FER: variants seen among roughly 807,000 people sequenced by gnomAD.
FER encodes tyrosine-protein kinase Fer.
Under a neutral mutation model 111.0 loss-of-function variants are expected in FER, and 63 were observed. The ratio of observed to expected loss-of-function variants is 0.57; its 90% CI spans 0.46 to 0.70. FER has a LOEUF of 0.70. Ranked by LOEUF, FER falls within the 30% of genes least tolerant of loss-of-function variation. The probability of loss-of-function intolerance (pLI) is 0.00; values close to 1 mark genes in which losing one functional copy is unlikely to be tolerated. For missense variants in FER, 914 were observed against 954.0 expected, an observed-to-expected ratio of 0.96 and a Z score of 0.55; for synonymous variants, 327 against 313.9, an observed-to-expected ratio of 1.04 and a Z score of -0.44.
chr5:108,902,644 T>C (rs997270123), intron 10 of FER, among the ~76,000 whole-genome samples: 1 of 152,212 alleles, frequency 6.6e-6, no homozygotes, highest in African/African-American at 2.4e-5. Flanking sequence ...CTTTGGGAAA[T>C]GCTTAGTTAG....
chr5:108,960,274 G>A (rs1581402600), intron 13 of FER, among the ~76,000 whole-genome samples: 2 of 151,948 alleles, frequency 1.3e-5, no homozygotes, highest in East Asian at 3.9e-4. Flanking sequence ...TGTTAATCTG[G>A]GATATAATAT....
chr5:108,894,638 G>C, intron 9 of FER: 1 of 292,510 alleles, frequency 3.4e-6, no homozygotes, highest in South Asian at 3.7e-5. Flanking sequence ...GCGTGGTGCT[G>C]GTCCTGCGGG....
At chr5:109,175,435 G>T (rs533060865) in intron 17 of FER, among the ~76,000 whole-genome samples, 1 of 152,186 alleles carries the variant, frequency 6.6e-6, no homozygotes, top group Non-Finnish European at 1.5e-5. Context: ...AAAAGTTGAT[G>T]CTTTTACCAT....
Position 108,789,693 on chromosome 5 carries a change from C to T in FER, c.-59-8431C>T, listed in dbSNP as rs552041893. On this transcript the variant is annotated intron_variant, in intron 2 of 19. Coordinates refer to ENST00000281092, the MANE Select transcript of FER (RefSeq NM_005246.4). ...TCTTGGCTCACTGCAACCTCCGCTTCCCAGGTTCAAGTGATTCTTGTGTCT... is the reference window on the plus strand; with the variant it reads ...TCTTGGCTCACTGCAACCTCCGCTTTCCAGGTTCAAGTGATTCTTGTGTCT... 1.5e-3 allele frequency among the ~76,000 whole-genome samples: 233 copies of T among 152,068 alleles called. 1 individual carries two copies. Among genetic ancestry groups the T allele is most frequent in the African/African-American group, 5.4e-3 (225 of 41,452 alleles).
intron 9 of FER, among the ~76,000 whole-genome samples, chr5:108,889,519 T>C (rs1026447201): frequency 4.0e-5 from 6 of 151,820 alleles, no homozygotes; most frequent in Admixed American, 2.0e-4. Context: ...CTCCTGGAGA[T>C]AGAGAGTAGA....
intron 17 of FER, among the ~76,000 whole-genome samples, chr5:109,160,241 C>G (rs761486613): frequency 6.6e-6 from 1 of 152,040 alleles, no homozygotes; most frequent in Non-Finnish European, 1.5e-5. Context: ...TACTGACTGG[C>G]ACATCTGCAG....
chr5:108,773,270 T>C (rs1451540560), intron 2 of FER, among the ~76,000 whole-genome samples: 1 of 152,102 alleles, frequency 6.6e-6, no homozygotes, highest in African/African-American at 2.4e-5. Flanking sequence ...GGTGGTTCGC[T>C]GCACAGATCA....
chr5:109,004,477 A>C (rs1765240325), intron 13 of FER, among the ~76,000 whole-genome samples: 2 of 152,242 alleles, frequency 1.3e-5, no homozygotes, highest in Admixed American at 1.3e-4. Context: ...CCAAATGTCC[A>C]CAACAAGGAG....
chr5:108,946,954 A>G (rs1000592251), intron 11 of FER, among the ~76,000 whole-genome samples: 1 of 151,906 alleles, frequency 6.6e-6, no homozygotes, highest in African/African-American at 2.4e-5. Flanking sequence ...ACAATATGTG[A>G]CCTTTTGCAT....
intron 13 of FER, among the ~76,000 whole-genome samples, chr5:109,036,225 C>T (rs891033005): frequency 2.0e-5 from 3 of 151,994 alleles, no homozygotes; most frequent in Admixed American, 1.3e-4. Flanking sequence ...TTCACTTACC[C>T]ACTTGATCAT....
intron 13 of FER, among the ~76,000 whole-genome samples, chr5:108,995,125 T>G (rs1763820900): frequency 6.6e-6 from 1 of 152,152 alleles, no homozygotes. Context: ...CTGATTGCCC[T>G]GGCCAGAACT....
At chr5:108,949,781 A>T (rs1429357278) in intron 11 of FER, among the ~76,000 whole-genome samples, 2 of 152,104 alleles carry the variant, frequency 1.3e-5, no homozygotes, top group East Asian at 1.9e-4. Context: ...TAGTTAATTG[A>T]TGAAAATGTG....
At chr5:108,783,755 G>A (rs1235525887) in intron 2 of FER, among the ~76,000 whole-genome samples, 4 of 152,122 alleles carry the variant, frequency 2.6e-5, no homozygotes, top group Non-Finnish European at 4.4e-5. Flanking sequence ...TGCTGCCTGA[G>A]GGAGTAGGGA....
chr5:108,892,153 T>C (rs1366731882), intron 9 of FER, among the ~76,000 whole-genome samples: 2 of 152,206 alleles, frequency 1.3e-5, no homozygotes, highest in Admixed American at 1.3e-4. Context: ...TATAGCAGCA[T>C]GATTTATAGT....
At chr5:109,051,290 C>G in intron 16 of FER, 1 of 1,448,552 alleles carries the variant, frequency 6.9e-7, no homozygotes, top group Non-Finnish European at 9.7e-7. Context: ...TGAGAGGAAT[C>G]TTGATACTTT....
Position 109,029,005 on chromosome 5 carries a change from T to G in FER, c.1657-8417T>G, listed in dbSNP as rs188929302. On this transcript the variant is annotated intron_variant, in intron 13 of 19. Coordinates refer to ENST00000281092, the MANE Select transcript of FER (RefSeq NM_005246.4). ...GCTAACAACCTAGTTCTTCTTGACC[T>G]GCCACTTCAGTCATTATGGACTAAT... 5.9e-3 allele frequency among the ~76,000 whole-genome samples: 903 copies of G among 152,330 alleles called. 6 individuals carry two copies. Among genetic ancestry groups the G allele is most frequent in the African/African-American group, 0.021 (865 of 41,576 alleles).
chr5:109,145,196 T>A (rs1031997062), intron 17 of FER, among the ~76,000 whole-genome samples: 1 of 152,016 alleles, frequency 6.6e-6, no homozygotes, highest in Non-Finnish European at 1.5e-5. Context: ...GCTCCAATGT[T>A]GCACATGCAT....
At chr5:109,170,552 T>C (rs1024426387) in intron 17 of FER, among the ~76,000 whole-genome samples, 6 of 152,176 alleles carry the variant, frequency 3.9e-5, no homozygotes, top group African/African-American at 1.4e-4. Flanking sequence ...AAGACATCTA[T>C]GCCTCTGAGT....
At chr5:109,127,544 C>G (rs985434766) in intron 17 of FER, among the ~76,000 whole-genome samples, 4 of 152,024 alleles carry the variant, frequency 2.6e-5, no homozygotes, top group Non-Finnish European at 4.4e-5. Context: ...GCTGGGATTA[C>G]AGGCACGCGC....
Sources: gnomAD v4.1 joint callset for allele counts (sites outside exome capture counted in the v4.1 genomes callset) on GRCh38, gnomAD v4.1.1 for gene constraint, MANE v1.5 for transcripts, NCBI Gene and HGNC (gene_info 2026-07-23, HGNC 2026-07-21) for gene names.